Variants in CNTN5 observed in about 807,000 individuals in gnomAD.
The protein encoded by CNTN5 is contactin-5.
CNTN5 carries 77 observed loss-of-function variants against 129.1 expected under a neutral mutation model. The observed-to-expected ratio is 0.60, with a 90% CI of 0.50 to 0.72. The LOEUF (loss-of-function observed/expected upper bound fraction) is 0.72. CNTN5 is among the 30% of genes least tolerant of loss of function. CNTN5 has a pLI of 0.00. For missense variants in CNTN5, 1,478 were observed against 1,328.8 expected (o/e 1.11, Z -1.75); for synonymous variants, 509 against 465.6 (o/e 1.09, Z -1.20).
intron 3 of CNTN5, among the ~76,000 whole-genome samples, chr11:99,743,842 T>C (rs574591483): frequency 4.6e-5 from 7 of 152,318 alleles, no homozygotes; most frequent in African/African-American, 1.7e-4. Context: ...AGTATTAAGG[T>C]CGTCCACTTC....
rs532950656 is a variant in CNTN5, at chr11:99,945,518, A to G, written c.674-11288A>G. Among the ~76,000 whole-genome samples the G allele has an allele frequency of 5.6e-3, 561 of 100,104 alleles. 6 individuals are homozygous for G. Among genetic ancestry groups the G allele is most frequent in the African/African-American group, 0.017 (525 of 30,712 alleles). The allele number at this position is 100,104 out of a possible 152,430, so 65.7% of individuals were successfully genotyped here. A position where few individuals can be genotyped will look rare whatever the true frequency, so the allele number is the denominator to read the frequency against. On this transcript the variant is annotated intron_variant, in intron 7 of 24. Transcript: ENST00000524871. The stretch of plus-strand genomic sequence containing the variant: ...TGTGTGTGTGTGTGTGTGTGTGTGT[A>G]TAGGCTAGAATTTTCAATAATAATG...
Position 99,463,446 on chromosome 11 carries a change from A to AAAG in CNTN5, c.-70-92697_-70-92696insGAA, listed in dbSNP as rs1286147101. Among the ~76,000 whole-genome samples the AAAG allele has an allele frequency of 5.8e-4, 87 of 150,794 alleles. 1 individual carries two copies. The highest frequency in any genetic ancestry group is 2.1e-3 in the African/African-American group (85 of 41,134). ...GAGCGAGACTCTGTCTCAAAAAGAAAAAAAAAAAAAAAACAATAGAAGAAT... is the reference window on the plus strand; with the variant it reads ...GAGCGAGACTCTGTCTCAAAAAGAAAAAGAAAAAAAAAAAAACAATAGAAGAAT... On this transcript the variant is annotated intron_variant, in intron 2 of 24. Coordinates refer to ENST00000524871, the MANE Select transcript of CNTN5 (RefSeq NM_014361.4).
chr11:99,480,020 AG>A (rs35671521), intron 2 of CNTN5, among the ~76,000 whole-genome samples: 75,094 of 151,882 alleles, frequency 0.49, 18,982 homozygotes, highest in Middle Eastern at 0.6. Flanking sequence ...ATTGGCTAAA[AG>A]TAGAGATACA....
intron 7 of CNTN5, among the ~76,000 whole-genome samples, chr11:99,955,964 T>C (rs1349781): frequency 0.32 from 49,047 of 151,992 alleles, 9,173 homozygotes; most frequent in African/African-American, 0.52. Context: ...CCTGAAAATA[T>C]TTAAGTATCC....
At chr11:99,558,470 G>T in intron 3 of CNTN5, 1 of 178,702 alleles carries the variant, frequency 5.6e-6, no homozygotes, top group Non-Finnish European at 1.2e-5. Context: ...GATGTCCAGT[G>T]CTTTTATTTA....
At chr11:99,370,396 A>G (rs907827106) in intron 2 of CNTN5, among the ~76,000 whole-genome samples, 51 of 152,346 alleles carry the variant, frequency 3.3e-4, no homozygotes, top group Non-Finnish European at 4.0e-4. Flanking sequence ...AATTGACTAA[A>G]TTGCTGAAAT....
chr11:99,245,114 T>A (rs73532985), intron 1 of CNTN5, among the ~76,000 whole-genome samples: 5 of 152,114 alleles, frequency 3.3e-5, no homozygotes, highest in Admixed American at 3.3e-4. Context: ...ACTGTCAAAC[T>A]GCACACACTC....
intron 1 of CNTN5, among the ~76,000 whole-genome samples, chr11:99,316,313 T>A (rs554792227): frequency 5.3e-5 from 8 of 152,320 alleles, no homozygotes; most frequent in African/African-American, 1.9e-4. Context: ...AGACATATTC[T>A]TCCTACTCCT....
rs774797660 is a variant in CNTN5 at position 99,382,844 on chromosome 11, A to ATTTTTTTTTTTTTTT, written c.-71+57360_-71+57361insTTTTTTTTTTTTTTT. ...CACATCTCACTAGTGTCTCTAAATA[A>ATTTTTTTTTTTTTTT]CTTTTTTTTTTTTTTTTTTTTTTTT... On this transcript the variant is annotated intron_variant, in intron 2 of 24. Coordinates refer to ENST00000524871, the MANE Select transcript of CNTN5 (RefSeq NM_014361.4). 2.2e-3 allele frequency among the ~76,000 whole-genome samples: 151 copies of ATTTTTTTTTTTTTTT among 69,370 alleles called. 11 individuals are homozygous for ATTTTTTTTTTTTTTT. Among genetic ancestry groups the ATTTTTTTTTTTTTTT allele is most frequent in the African/African-American group, 9.0e-3 (126 of 13,974 alleles). 45.5% of individuals were successfully genotyped at this position (69,370 alleles called of 152,430 possible). A position where few individuals can be genotyped will look rare whatever the true frequency, so the allele number is the denominator to read the frequency against.
chr11:99,224,902 C>T lies in CNTN5; in HGVS notation c.-209-100444C>T, dbSNP rs192687936. On this transcript the variant is annotated intron_variant, in intron 1 of 24. Coordinates refer to ENST00000524871, the MANE Select transcript of CNTN5 (RefSeq NM_014361.4). ...ATTTTGAAAAACTGGAAGGTGGACTCACAACTTTCAGCAACAGGAATGACT... is the reference window on the plus strand; with the variant it reads ...ATTTTGAAAAACTGGAAGGTGGACTTACAACTTTCAGCAACAGGAATGACT... Among the ~76,000 whole-genome samples, 4 of 152,084 alleles carry T rather than the reference C, an allele frequency of 2.6e-5. No individual in the cohort carries two copies. In the East Asian group the frequency reaches 5.8e-4, roughly 22 times the overall value.
chr11:99,779,871 C>G (rs947708181), intron 3 of CNTN5, among the ~76,000 whole-genome samples: 14 of 152,000 alleles, frequency 9.2e-5, no homozygotes, highest in African/African-American at 3.4e-4. Context: ...ACCCCATGAT[C>G]TGCTCCCTTC....
chr11:99,840,373 C>G (rs1947446785), intron 4 of CNTN5, among the ~76,000 whole-genome samples: 1 of 152,020 alleles, frequency 6.6e-6, no homozygotes, highest in Non-Finnish European at 1.5e-5. Context: ...AGTATCTAGT[C>G]TCATAATAAG....
At chr11:99,480,887 A>G (rs1473258663) in intron 2 of CNTN5, among the ~76,000 whole-genome samples, 3 of 152,134 alleles carry the variant, frequency 2.0e-5, no homozygotes, top group African/African-American at 7.2e-5. Context: ...AGAATGTTCT[A>G]TGGAAAGAAG....
chr11:99,951,629 G>A (rs1950679137), intron 7 of CNTN5, among the ~76,000 whole-genome samples: 1 of 152,082 alleles, frequency 6.6e-6, no homozygotes, highest in African/African-American at 2.4e-5. Flanking sequence ...AACTTACCTA[G>A]TAGAATAAAT....
intron 9 of CNTN5, among the ~76,000 whole-genome samples, chr11:100,024,809 G>C (rs977954493): frequency 2.0e-5 from 3 of 152,188 alleles, no homozygotes; most frequent in African/African-American, 7.2e-5. Flanking sequence ...CAATGTTCAA[G>C]AGGTGACTTG....
chr11:99,391,496 C>G (rs1325298458), intron 2 of CNTN5, among the ~76,000 whole-genome samples: 1 of 152,140 alleles, frequency 6.6e-6, no homozygotes, highest in Non-Finnish European at 1.5e-5. Flanking sequence ...GATCTCATCA[C>G]ATATGTGGAC....
chr11:99,266,807 G>A (rs560290513), intron 1 of CNTN5, among the ~76,000 whole-genome samples: 1 of 151,990 alleles, frequency 6.6e-6, no homozygotes, highest in Non-Finnish European at 1.5e-5. Context: ...AGGAACAAGT[G>A]TACTTTGCCA....
At chr11:99,669,327 A>T (rs986467583) in intron 3 of CNTN5, among the ~76,000 whole-genome samples, 2 of 152,110 alleles carry the variant, frequency 1.3e-5, no homozygotes, top group East Asian at 3.8e-4. Context: ...ATTGCCATCT[A>T]AATTATTGTA....
At chr11:99,585,710 C>T (rs1949771551) in intron 3 of CNTN5, among the ~76,000 whole-genome samples, 1 of 152,044 alleles carries the variant, frequency 6.6e-6, no homozygotes, top group African/African-American at 2.4e-5. Flanking sequence ...ACTACTTTAG[C>T]ACAAAGTTAA....
Sources: gnomAD v4.1 joint callset for allele counts (sites outside exome capture counted in the v4.1 genomes callset) on GRCh38, gnomAD v4.1.1 for gene constraint, MANE v1.5 for transcripts, NCBI Gene and HGNC (gene_info 2026-07-23, HGNC 2026-07-21) for gene names.